Variants in ZNF383 observed in about 807,000 individuals in gnomAD.
The protein encoded by ZNF383 is zinc finger protein 383.
Under a neutral mutation model 44.2 loss-of-function variants are expected in ZNF383, and 32 were observed. The observed-to-expected ratio is 0.72, with a 90% CI of 0.55 to 0.97. ZNF383 has a LOEUF of 0.97. Ranked by LOEUF, ZNF383 falls within the 50% of genes least tolerant of loss-of-function variation. ZNF383 has a pLI of 0.00. For synonymous variants in ZNF383, 155 were observed against 186.2 expected (o/e 0.83, Z 1.36); for missense variants, 487 against 562.5 (o/e 0.87, Z 1.36).
Position 37,242,180 on chromosome 19 carries a change from C to T in ZNF383, c.233-289C>T, listed in dbSNP as rs530468851. Among the ~76,000 whole-genome samples the T allele has an allele frequency of 9.6e-5, 6 of 62,556 alleles. No individual in the cohort carries two copies. In the South Asian group the frequency reaches 3.7e-3, roughly 38 times the overall value. The allele number at this position is 62,556 out of a possible 152,430, so 41.0% of individuals were successfully genotyped here. A position where few individuals can be genotyped will look rare whatever the true frequency, so the allele number is the denominator to read the frequency against. Reference sequence around the variant, plus strand: ...GTCATGTTTTAATATGGAAAATAGCCCAACCATTGTATATTTACCAGCCTT... The same window carrying T: ...GTCATGTTTTAATATGGAAAATAGCTCAACCATTGTATATTTACCAGCCTT... On this transcript the variant is annotated intron_variant, in intron 5 of 5. Coordinates refer to ENST00000684119, the MANE Select transcript of ZNF383 (RefSeq NM_001387601.1).
chr19:37,234,686 A>G (rs930397733), intron 3 of ZNF383, among the ~76,000 whole-genome samples: 5 of 152,336 alleles, frequency 3.3e-5, no homozygotes, highest in South Asian at 2.1e-4. Context: ...CACCACGCCC[A>G]GCCAACTTTT....
intron 1 of ZNF383, among the ~76,000 whole-genome samples, 170 bp from the exon 2 acceptor site, chr19:37,224,648 G>C (rs923035090): frequency 6.6e-6 from 1 of 151,732 alleles, no homozygotes; most frequent in African/African-American, 2.4e-5. Context: ...GACCTTCCAG[G>C]CTCAGGTGAT....
intron 1 of ZNF383, among the ~76,000 whole-genome samples, chr19:37,222,758 C>G (rs1045679398): frequency 2.6e-5 from 4 of 152,214 alleles, no homozygotes; most frequent in East Asian, 3.9e-4. Flanking sequence ...AAAACGCTGC[C>G]GGGAACATTC....
intron 2 of ZNF383, among the ~76,000 whole-genome samples, chr19:37,227,175 C>T (rs1280983709): frequency 2.3e-5 from 3 of 128,300 alleles, no homozygotes; most frequent in Non-Finnish European, 4.6e-5. Context: ...AGTGCAATGG[C>T]GCAATCTCGG....
intron 2 of ZNF383, among the ~76,000 whole-genome samples, chr19:37,229,662 GTATA>G (rs1357296079): frequency 1.4e-5 from 2 of 141,052 alleles, no homozygotes; most frequent in Non-Finnish European, 1.5e-5. Context: ...ATATATGTGT[GTATA>G]TATATGTATG....
intron 2 of ZNF383, among the ~76,000 whole-genome samples, chr19:37,228,435 AATTT>A (rs1973290765): frequency 6.6e-6 from 1 of 150,940 alleles, no homozygotes; most frequent in African/African-American, 2.4e-5. Context: ...ATATAATTAT[AATTT>A]ATTTTTAGTA....
At chr19:37,222,796 A>G (rs143883570) in intron 1 of ZNF383, among the ~76,000 whole-genome samples, 8 of 152,292 alleles carry the variant, frequency 5.3e-5, no homozygotes, top group Non-Finnish European at 8.8e-5. Flanking sequence ...TGCACATATG[A>G]ATGCATTTGT....
rs1377465818 is a variant in ZNF383 at position 37,243,201 on chromosome 19, G to A, written c.965G>A (p.Ser322Asn). ...CKECGKAFTQ[S>N]SKLVQHQRIH... Reference sequence around the variant, plus strand: ...GAATGTGGCAAAGCCTTTACCCAGAGCTCAAAGCTTGTTCAACATCAGAGA... The same window carrying A: ...GAATGTGGCAAAGCCTTTACCCAGAACTCAAAGCTTGTTCAACATCAGAGA... The change falls in exon 6 of 6, where the codon AGC (serine) becomes AAC (asparagine). Residue 322 changes from serine to asparagine, a missense_variant. Physicochemically the swap from Ser to Asn is conservative, Grantham distance 46 (BLOSUM62 1). Transcript: ENST00000684119. 5.0e-6 allele frequency: 8 copies of A among 1,614,046 alleles called. No individual in the cohort carries two copies. The highest frequency in any genetic ancestry group is 1.3e-5 in the African/African-American group (1 of 74,936).
chr19:37,224,633 A>C (rs910374784), intron 1 of ZNF383, among the ~76,000 whole-genome samples, 185 bp from the exon 2 acceptor site: 1 of 151,416 alleles, frequency 6.6e-6, no homozygotes, highest in Admixed American at 6.6e-5. Context: ...GCTCACTGCA[A>C]ACTCGACCTT....
chr19:37,243,008 G>C lies in ZNF383; in HGVS notation c.772G>C (p.Glu258Gln), dbSNP rs770309801. Residue 258 changes from glutamate to glutamine, a missense_variant, in exon 6 of 6, where the codon GAA becomes CAA. Glu to Gln is a conservative substitution (Grantham distance 29). Transcript: ENST00000684119. The stretch of plus-strand genomic sequence containing the variant: ...CGGTAAGAAACCCTATGAATGTAAG[G>C]AATGTGGGAAGGCCTTTAGTTATTG... ...HTGKKPYECK[E>Q]CGKAFSYCSN... 2.9e-5 allele frequency: 46 copies of C among 1,613,992 alleles called. No individual in the cohort carries two copies. The Admixed American group carries it at 4.8e-4, about 17-fold the overall frequency.
At chr19:37,236,573 ATT>A (rs1396588671) in intron 5 of ZNF383, among the ~76,000 whole-genome samples, 5 of 134,498 alleles carry the variant, frequency 3.7e-5, no homozygotes, top group Non-Finnish European at 3.3e-5. Context: ...CTTCTTCTGC[ATT>A]TTTTTTTTTT....
At chr19:37,227,394 A>G (rs956346676) in intron 2 of ZNF383, among the ~76,000 whole-genome samples, 1 of 152,196 alleles carries the variant, frequency 6.6e-6, no homozygotes, top group African/African-American at 2.4e-5. Flanking sequence ...GATTACAGGC[A>G]TGAGCCACCG....
At chr19:37,238,844 C>G (rs1973946986) in intron 5 of ZNF383, among the ~76,000 whole-genome samples, 1 of 152,170 alleles carries the variant, frequency 6.6e-6, no homozygotes, top group Non-Finnish European at 1.5e-5. Context: ...CATTCTTGCT[C>G]TAGGGGTTCC....
intron 5 of ZNF383, among the ~76,000 whole-genome samples, chr19:37,238,419 A>G (rs972407825): frequency 6.6e-6 from 1 of 151,796 alleles, no homozygotes. Context: ...GTCCATGTGT[A>G]TATGAAATGT....
chr19:37,243,018 A>C lies in ZNF383; in HGVS notation c.782A>C (p.Lys261Thr). Residue 261 changes from lysine (K) to threonine (T), a missense_variant, in exon 6 of 6, where the codon AAG becomes ACG. Coordinates refer to ENST00000684119, the MANE Select transcript of ZNF383 (RefSeq NM_001387601.1). ...KKPYECKECG[K>T]AFSYCSNLID... ...CCCTATGAATGTAAGGAATGTGGGA[A>C]GGCCTTTAGTTATTGCTCAAATCTT... is the stretch of plus-strand genomic sequence containing the variant. 1 of 1,614,162 alleles carries C rather than the reference A, an allele frequency of 6.2e-7. No individual in the cohort carries two copies. Among genetic ancestry groups the C allele is most frequent in the South Asian group, 1.1e-5 (1 of 91,088 alleles).
intron 5 of ZNF383, among the ~76,000 whole-genome samples, chr19:37,241,145 G>T (rs1974065491): frequency 6.6e-6 from 1 of 152,110 alleles, no homozygotes; most frequent in African/African-American, 2.4e-5. Flanking sequence ...CTTTATTAAA[G>T]ACCTTATTCT....
In ZNF383 at chr19:37,248,573, G is replaced by A. The variant is rs563867118; in HGVS notation, c.*4909G>A. Reference sequence around the variant, plus strand: ...AGATGTGGATAGCATGGGATTTTTGGAATACAAGATAAGATAATTTACATG... The same window carrying A: ...AGATGTGGATAGCATGGGATTTTTGAAATACAAGATAAGATAATTTACATG... On this transcript the variant is annotated 3_prime_UTR_variant, in exon 6 of 6. Transcript: ENST00000684119. 1.5e-4 allele frequency: 23 copies of A among 152,162 alleles called. No individual in the cohort carries two copies. The highest frequency in any genetic ancestry group is 6.5e-4 in the Admixed American group (10 of 15,268). The allele number at this position is 152,162 out of a possible 1,614,324, so 9.4% of individuals were successfully genotyped here.
rs1481534824 is a variant in ZNF383 at position 37,247,119 on chromosome 19, T to C, written c.*3455T>C. 1.3e-5 allele frequency: 2 copies of C among 152,190 alleles called. No homozygotes were observed. Among genetic ancestry groups the C allele is most frequent in the East Asian group, 3.9e-4 (2 of 5,188 alleles). 9.4% of individuals were successfully genotyped at this position (152,190 alleles called of 1,614,324 possible). ...GCAGTAAAAGTTGTATTGGAAGTTTTATAACCTAATATTTGTGCATATATT... is the reference window on the plus strand; with the variant it reads ...GCAGTAAAAGTTGTATTGGAAGTTTCATAACCTAATATTTGTGCATATATT... On this transcript the variant is annotated 3_prime_UTR_variant, in exon 6 of 6. Coordinates refer to ENST00000684119, the MANE Select transcript of ZNF383 (RefSeq NM_001387601.1).
At chr19:37,237,814 G>T (rs1296508159) in intron 5 of ZNF383, among the ~76,000 whole-genome samples, 1 of 151,656 alleles carries the variant, frequency 6.6e-6, no homozygotes, top group Non-Finnish European at 1.5e-5. Context: ...TGAGGGATGG[G>T]TCCTTGAAGC....
Sources: allele counts gnomAD v4.1 joint callset (sites outside exome capture counted in the v4.1 genomes callset), GRCh38; gene constraint gnomAD v4.1.1; transcripts MANE v1.5; gene names NCBI Gene and HGNC (gene_info 2026-07-23, HGNC 2026-07-21).